The following ARID2 variants were observed in gnomAD, a reference collection of about 807,000 sequenced individuals.
ARID2 encodes the protein AT-rich interactive domain-containing protein 2.
ARID2 carries 32 observed loss-of-function variants against 184.6 expected under a neutral mutation model. The observed-to-expected ratio is 0.17, with a 90% CI of 0.13 to 0.23. ARID2 has a LOEUF of 0.23. Among genes scored for constraint, ARID2 ranks in the 10% least tolerant of loss-of-function variants. The pLI, the probability that ARID2 is intolerant of heterozygous loss-of-function variation, is 1.00. For missense variants in ARID2, 1,696 were observed against 2,197.6 expected (o/e 0.77, Z 4.56); for synonymous variants, 836 against 772.6 (o/e 1.08, Z -1.36).
intron 3 of ARID2, among the ~76,000 whole-genome samples, chr12:45,764,817 C>T (rs945157709): frequency 1.3e-5 from 2 of 152,098 alleles, no homozygotes; most frequent in African/African-American, 4.8e-5. Flanking sequence ...TATAAACATT[C>T]GCATATAAGT....
At chr12:45,827,636 C>T (rs1200669089) in intron 6 of ARID2, among the ~76,000 whole-genome samples, 2 of 151,950 alleles carry the variant, frequency 1.3e-5, no homozygotes, top group Non-Finnish European at 2.9e-5. Flanking sequence ...TGTATGGTAA[C>T]GTTAGATAAT....
At chr12:45,801,236 C>G (rs1047692802) in intron 3 of ARID2, among the ~76,000 whole-genome samples, 1 of 151,064 alleles carries the variant, frequency 6.6e-6, no homozygotes. Flanking sequence ...GGCGTGAACC[C>G]GGGAGGTGGA....
chr12:45,742,275 T>G (rs919688580), intron 3 of ARID2, among the ~76,000 whole-genome samples: 2 of 152,240 alleles, frequency 1.3e-5, no homozygotes, highest in African/African-American at 4.8e-5. Context: ...TTACCTTTTC[T>G]GTGTTTAGAT....
intron 15 of ARID2, among the ~76,000 whole-genome samples, chr12:45,857,967 C>G (rs1325238558): frequency 6.6e-6 from 1 of 152,164 alleles, no homozygotes. Context: ...GCCATGTTGC[C>G]CAGGCTGATC....
chr12:45,839,607 G>A, intron 11 of ARID2, 111 bp downstream of exon 11: 1 of 1,262,450 alleles, frequency 7.9e-7, no homozygotes. Context: ...CAGTATAGTA[G>A]GCCAAAGTGG....
At chr12:45,890,509 CAG>C (rs1487955998) in intron 16 of ARID2, among the ~76,000 whole-genome samples, 2 of 152,118 alleles carry the variant, frequency 1.3e-5, no homozygotes, top group African/African-American at 2.4e-5. Context: ...GTATGTATAA[CAG>C]AACTCAAATC....
rs2138159148 is a variant in ARID2, at chr12:45,850,118, A to G, written c.1995A>G (p.Thr665=). 1 of 1,614,122 alleles carries G rather than the reference A, an allele frequency of 6.2e-7. No homozygotes were observed. Among genetic ancestry groups the G allele is most frequent in the South Asian group, 1.1e-5 (1 of 91,080 alleles). The change falls in exon 15 of 21, where the codon ACA becomes ACG. Residue 665 remains threonine (T), a synonymous_variant. Transcript: ENST00000334344. ...ACCAATCTTCAAATCTGACTGCAAC[A>G]CAAATGTCTTTTCCTGTACAAGGTG... ...VANQSSNLTA[T]QMSFPVQGVH...
intron 3 of ARID2, among the ~76,000 whole-genome samples, chr12:45,804,638 C>G (rs1250243221): frequency 6.6e-6 from 1 of 151,896 alleles, no homozygotes; most frequent in Non-Finnish European, 1.5e-5. Context: ...ATGGAAATGT[C>G]TGTTCTTGGA....
chr12:45,738,618 G>T (rs1351101179), intron 3 of ARID2, among the ~76,000 whole-genome samples: 3 of 152,018 alleles, frequency 2.0e-5, no homozygotes, highest in Non-Finnish European at 4.4e-5. Flanking sequence ...GCTGGCCGGA[G>T]ATTTTATTTT....
intron 5 of ARID2, among the ~76,000 whole-genome samples, chr12:45,820,090 G>T (rs1592096822): frequency 6.6e-6 from 1 of 152,058 alleles, no homozygotes; most frequent in Non-Finnish European, 1.5e-5. Context: ...AGAAAACTTT[G>T]TCTGTCTTTA....
intron 16 of ARID2, among the ~76,000 whole-genome samples, chr12:45,874,686 A>G (rs1189454508): frequency 6.6e-6 from 1 of 152,198 alleles, no homozygotes; most frequent in Non-Finnish European, 1.5e-5. Context: ...GCTAATGTTC[A>G]TATTTCGACC....
intron 3 of ARID2, among the ~76,000 whole-genome samples, chr12:45,773,366 C>G (rs1446912359): frequency 1.3e-5 from 2 of 151,678 alleles, no homozygotes; most frequent in African/African-American, 2.4e-5. Context: ...AAACCTAAAG[C>G]AAGCAGAGAA....
chr12:45,845,742 A>G (rs115228617), intron 11 of ARID2, among the ~76,000 whole-genome samples: 61 of 152,276 alleles, frequency 4.0e-4, no homozygotes, highest in African/African-American at 1.4e-3. Flanking sequence ...GCCTAGTTCC[A>G]ATAATTTTAA....
chr12:45,819,538 G>C (rs1278238164), intron 5 of ARID2, among the ~76,000 whole-genome samples: 1 of 152,060 alleles, frequency 6.6e-6, no homozygotes, highest in Non-Finnish European at 1.5e-5. Flanking sequence ...GCTTCAATTT[G>C]ATTTTTAGGG....
chr12:45,844,391 C>A (rs1157181427), intron 11 of ARID2, among the ~76,000 whole-genome samples: 1 of 152,146 alleles, frequency 6.6e-6, no homozygotes, highest in Non-Finnish European at 1.5e-5. Context: ...GTAATGCATT[C>A]TTTGACAGTA....
intron 3 of ARID2, among the ~76,000 whole-genome samples, chr12:45,742,419 C>A (rs1941279304): frequency 6.6e-6 from 1 of 152,066 alleles, no homozygotes; most frequent in Non-Finnish European, 1.5e-5. Flanking sequence ...AGACTATATA[C>A]CATCTAGGTT....
At chr12:45,822,409 G>A (rs932412036) in intron 6 of ARID2, among the ~76,000 whole-genome samples, 5 of 152,050 alleles carry the variant, frequency 3.3e-5, no homozygotes, top group South Asian at 2.1e-4. Context: ...GGTTGTGTGC[G>A]CCTGTAGTCC....
At chr12:45,831,445 A>G (rs191281285) in intron 6 of ARID2, among the ~76,000 whole-genome samples, 2 of 152,272 alleles carry the variant, frequency 1.3e-5, no homozygotes, top group East Asian at 3.9e-4. Flanking sequence ...ATATTTTGAA[A>G]TAGGTATACA....
intron 3 of ARID2, among the ~76,000 whole-genome samples, chr12:45,770,549 G>A (rs1036112221): frequency 7.9e-5 from 12 of 152,200 alleles, no homozygotes; most frequent in Admixed American, 6.5e-4. Flanking sequence ...GAAGAATGGG[G>A]ATACACTGAC....
Sources: gnomAD v4.1 joint callset for allele counts (sites outside exome capture counted in the v4.1 genomes callset) on GRCh38, gnomAD v4.1.1 for gene constraint, MANE v1.5 for transcripts, NCBI Gene and HGNC (gene_info 2026-07-23, HGNC 2026-07-21) for gene names.